PBX1: variants seen among roughly 807,000 people sequenced by gnomAD.
PBX1 encodes the protein pre-B-cell leukemia transcription factor 1.
PBX1 carries 6 observed loss-of-function variants against 53.4 expected under a neutral mutation model. That is an observed-to-expected ratio of 0.11 (90% CI 0.06 to 0.22). The LOEUF (loss-of-function observed/expected upper bound fraction) is 0.22, where lower values mean the gene tolerates loss of function less well. Ranked by LOEUF, PBX1 falls within the 10% of genes least tolerant of loss-of-function variation. The pLI is 1.00. For synonymous variants in PBX1, 204 were observed against 212.3 expected, an observed-to-expected ratio of 0.96 and a Z score of 0.34; for missense variants, 251 against 551.4, an observed-to-expected ratio of 0.46 and a Z score of 5.46.
chr1:164,684,216 T>C (rs1661962225), intron 2 of PBX1: 1 of 152,246 alleles, frequency 6.6e-6, no homozygotes, highest in African/African-American at 2.4e-5. Flanking sequence ...GTGAATTCCT[T>C]AAGCTCAAGG....
intron 3 of PBX1, among the ~76,000 whole-genome samples, chr1:164,794,701 A>G (rs1668699780): frequency 6.6e-6 from 1 of 152,166 alleles, no homozygotes; most frequent in Admixed American, 6.5e-5. Flanking sequence ...ATGGAAGGCA[A>G]ATGGGGACAG....
chr1:164,602,292 C>T (rs144413339), intron 2 of PBX1, among the ~76,000 whole-genome samples: 70 of 152,268 alleles, frequency 4.6e-4, no homozygotes, highest in African/African-American at 1.6e-3. Flanking sequence ...GAGGGCCCCA[C>T]CCTCCAAGCC....
intron 2 of PBX1, among the ~76,000 whole-genome samples, chr1:164,721,640 G>A (rs980959780): frequency 6.6e-6 from 1 of 152,064 alleles, no homozygotes; most frequent in Non-Finnish European, 1.5e-5. Context: ...GTGAAAAATC[G>A]AGTTACCAGA....
intron 2 of PBX1, among the ~76,000 whole-genome samples, chr1:164,685,117 C>T (rs1571217289): frequency 1.3e-5 from 2 of 152,112 alleles, no homozygotes; most frequent in Admixed American, 6.5e-5. Flanking sequence ...GACCAAGACG[C>T]GGGCCTCGTT....
At chr1:164,579,152 G>T in intron 2 of PBX1, among the ~76,000 whole-genome samples, 1 of 152,272 alleles carries the variant, frequency 6.6e-6, no homozygotes, top group Middle Eastern at 3.4e-3. Flanking sequence ...GTGCTCCAGG[G>T]TTCTTGCTAG....
At chr1:164,835,616 T>C (rs1454832024) in intron 8 of PBX1, among the ~76,000 whole-genome samples, 3 of 152,192 alleles carry the variant, frequency 2.0e-5, no homozygotes, top group Non-Finnish European at 4.4e-5. Flanking sequence ...ATTCTGGAAA[T>C]GTTCATCTCT....
intron 3 of PBX1, among the ~76,000 whole-genome samples, chr1:164,797,140 A>G (rs931657046): frequency 2.0e-5 from 3 of 152,214 alleles, no homozygotes; most frequent in African/African-American, 7.2e-5. Context: ...TGTTTATTGA[A>G]GAGCAGAAAG....
intron 2 of PBX1, among the ~76,000 whole-genome samples, chr1:164,735,012 A>G (rs1665189532): frequency 6.6e-6 from 1 of 152,264 alleles, no homozygotes; most frequent in African/African-American, 2.4e-5. Context: ...CTAAAATTTA[A>G]TGTAAATGCT....
chr1:164,737,928 G>C (rs781069153), intron 2 of PBX1, among the ~76,000 whole-genome samples: 2 of 151,826 alleles, frequency 1.3e-5, no homozygotes, highest in Non-Finnish European at 2.9e-5. Context: ...CCACTGATCT[G>C]CTTTCTGTTG....
intron 2 of PBX1, among the ~76,000 whole-genome samples, chr1:164,601,738 G>A (rs1259370807): frequency 1.3e-5 from 2 of 152,176 alleles, no homozygotes; most frequent in African/African-American, 4.8e-5. Context: ...TTGTTCCAGG[G>A]AAGATGAAGT....
chr1:164,847,247 C>T lies in PBX1; in HGVS notation c.*571C>T. 1 of 1,071,518 alleles carries T rather than the reference C, an allele frequency of 9.3e-7. No individual in the cohort carries two copies. The highest frequency in any genetic ancestry group is 1.1e-6 in the Non-Finnish European group (1 of 882,656). 66.4% of individuals were successfully genotyped at this position (1,071,518 alleles called of 1,614,324 possible). On this transcript the variant is annotated 3_prime_UTR_variant, in exon 9 of 9. Coordinates refer to ENST00000420696, the MANE Select transcript of PBX1 (RefSeq NM_002585.4). ...TCCTCTTGCTCTTCCTCCCTGGGGACAGTACTGATTGGAACACTTTCCTCC... is the reference window on the plus strand; with the variant it reads ...TCCTCTTGCTCTTCCTCCCTGGGGATAGTACTGATTGGAACACTTTCCTCC...
chr1:164,872,981 T>C (rs1672418728), intron 2 of PBX1, among the ~76,000 whole-genome samples: 1 of 152,214 alleles, frequency 6.6e-6, no homozygotes, highest in Admixed American at 6.5e-5. Context: ...CCAACAGACA[T>C]TGGGCTTTAC....
At chr1:164,602,217 A>G (rs978229903) in intron 2 of PBX1, among the ~76,000 whole-genome samples, 5 of 152,140 alleles carry the variant, frequency 3.3e-5, no homozygotes, top group Admixed American at 3.3e-4. Flanking sequence ...CAGTACGCAC[A>G]GGTATGGGCT....
chr1:164,880,222 G>A (rs1243672567), intron 2 of PBX1, among the ~76,000 whole-genome samples: 2 of 152,152 alleles, frequency 1.3e-5, no homozygotes, highest in Admixed American at 1.3e-4. Context: ...CACCTTCTGT[G>A]TGGAGACCTC....
intron 2 of PBX1, among the ~76,000 whole-genome samples, chr1:164,882,044 T>C (rs1672672026): frequency 6.6e-6 from 1 of 152,190 alleles, no homozygotes; most frequent in South Asian, 2.1e-4. Context: ...TCTGATTTAC[T>C]CTTTTTCTGC....
At chr1:164,593,643 A>C (rs1655557990) in intron 2 of PBX1, among the ~76,000 whole-genome samples, 2 of 5,916 alleles carry the variant, frequency 3.4e-4, no homozygotes, top group Non-Finnish European at 0.023. Flanking sequence ...GGCTGGAAAA[A>C]TAATAAATAG....
At chr1:164,609,257 G>A (rs1656749374) in intron 2 of PBX1, among the ~76,000 whole-genome samples, 1 of 151,828 alleles carries the variant, frequency 6.6e-6, no homozygotes, top group South Asian at 2.1e-4. Context: ...TGAGTGATAA[G>A]TTCAGAACAA....
chr1:164,694,994 T>C (rs1273082755), intron 2 of PBX1, among the ~76,000 whole-genome samples: 1 of 152,158 alleles, frequency 6.6e-6, no homozygotes, highest in Non-Finnish European at 1.5e-5. Flanking sequence ...CTGCTTGCTA[T>C]ACCCTTATTC....
At chr1:164,811,304 A>C (rs1669599445) in intron 5 of PBX1, among the ~76,000 whole-genome samples, 1 of 152,238 alleles carries the variant, frequency 6.6e-6, no homozygotes, top group Admixed American at 6.5e-5. Context: ...AAATAAATTA[A>C]CAAATGAAAG....
Sources: gnomAD v4.1 joint callset for allele counts (sites outside exome capture counted in the v4.1 genomes callset) on GRCh38, gnomAD v4.1.1 for gene constraint, MANE v1.5 for transcripts, NCBI Gene and HGNC (gene_info 2026-07-23, HGNC 2026-07-21) for gene names.